The following GPC5 variants were observed in gnomAD, a reference collection of about 807,000 sequenced individuals.
GPC5 encodes the protein glypican-5.
GPC5 carries 47 observed loss-of-function variants against 53.9 expected under a neutral mutation model. That is an observed-to-expected ratio of 0.87 (90% CI 0.69 to 1.11). The LOEUF (loss-of-function observed/expected upper bound fraction) is 1.11, where lower values mean the gene tolerates loss of function less well. GPC5 is among the 50% of genes most tolerant of loss of function. The pLI, the probability that GPC5 is intolerant of heterozygous loss-of-function variation, is 0.00. For synonymous variants in GPC5, 286 were observed against 263.3 expected (o/e 1.09, Z -0.84); for missense variants, 748 against 713.1 (o/e 1.05, Z -0.56).
At chr13:92,086,831 G>T (rs944331113) in intron 6 of GPC5, among the ~76,000 whole-genome samples, 1 of 151,974 alleles carries the variant, frequency 6.6e-6, no homozygotes, top group Non-Finnish European at 1.5e-5. Flanking sequence ...GCTAATTTTT[G>T]TATTTTTAGT....
intron 4 of GPC5, among the ~76,000 whole-genome samples, chr13:91,735,595 A>G (rs999469852): frequency 1.3e-5 from 2 of 151,336 alleles, no homozygotes; most frequent in African/African-American, 2.5e-5. Flanking sequence ...TTGGATTTCA[A>G]TTGGAGTTAT....
intron 7 of GPC5, among the ~76,000 whole-genome samples, chr13:92,731,621 G>C (rs1278987176): frequency 1.3e-5 from 2 of 151,284 alleles, no homozygotes; most frequent in African/African-American, 4.8e-5. Flanking sequence ...CTTTGATATA[G>C]CATAGGAAAA....
At chr13:92,421,356 C>T (rs1876550604) in intron 7 of GPC5, among the ~76,000 whole-genome samples, 1 of 152,102 alleles carries the variant, frequency 6.6e-6, no homozygotes, top group African/African-American at 2.4e-5. Flanking sequence ...CTGTGTTAAT[C>T]TATTCTCACA....
chr13:92,148,421 T>C (rs1220064134), intron 7 of GPC5, among the ~76,000 whole-genome samples: 2 of 152,130 alleles, frequency 1.3e-5, no homozygotes, highest in African/African-American at 4.8e-5. Flanking sequence ...ATCAACTTAT[T>C]TAACCATCTT....
chr13:92,244,171 T>C (rs1376143035), intron 7 of GPC5, among the ~76,000 whole-genome samples: 1 of 152,162 alleles, frequency 6.6e-6, no homozygotes, highest in Non-Finnish European at 1.5e-5. Flanking sequence ...GGCCTTAGTA[T>C]AGGTTTAAAC....
chr13:92,443,618 A>G (rs759306251), intron 7 of GPC5, among the ~76,000 whole-genome samples: 2 of 152,222 alleles, frequency 1.3e-5, no homozygotes, highest in Non-Finnish European at 2.9e-5. Context: ...AATAAAACAC[A>G]TATGTGGTTG....
chr13:91,760,987 G>T lies in GPC5; in HGVS notation c.1280+4567G>T, dbSNP rs117406639. Among the ~76,000 whole-genome samples the T allele has an allele frequency of 7.6e-3, 1,152 of 152,256 alleles. 11 individuals are homozygous for T. Among genetic ancestry groups the T allele is most frequent in the Non-Finnish European group, 0.012 (840 of 68,014 alleles). On this transcript the variant is annotated intron_variant, in intron 5 of 7. Coordinates refer to ENST00000377067, the MANE Select transcript of GPC5 (RefSeq NM_004466.6). ...AATATTATTGAAATCCATGTAGTCT[G>T]TATCTCTTACAGTCTCTTTTATCTC...
chr13:92,570,233 C>T (rs976621917), intron 7 of GPC5, among the ~76,000 whole-genome samples: 4 of 152,000 alleles, frequency 2.6e-5, no homozygotes, highest in Non-Finnish European at 5.9e-5. Context: ...GAGTTAATAT[C>T]GGTGTATTTT....
chr13:92,231,967 A>AAAAAC (rs575235773), intron 7 of GPC5, among the ~76,000 whole-genome samples: 1 of 152,122 alleles, frequency 6.6e-6, no homozygotes, highest in African/African-American at 2.4e-5. Context: ...CTCCATCTCA[A>AAAAAC]AAAACAAAAC....
At chr13:91,571,840 T>A in intron 2 of GPC5, among the ~76,000 whole-genome samples, 1 of 94,652 alleles carries the variant, frequency 1.1e-5, no homozygotes, top group Non-Finnish European at 1.9e-5. Context: ...CACATATACT[T>A]GTGTGTATAT....
intron 6 of GPC5, among the ~76,000 whole-genome samples, chr13:91,949,318 CTCAA>C (rs1229798680): frequency 3.3e-5 from 5 of 152,182 alleles, no homozygotes; most frequent in African/African-American, 9.6e-5. Context: ...TGTATGTACA[CTCAA>C]TCAAACTATG....
At chr13:92,074,121 A>G (rs1190471713) in intron 6 of GPC5, among the ~76,000 whole-genome samples, 2 of 152,150 alleles carry the variant, frequency 1.3e-5, no homozygotes, top group Non-Finnish European at 2.9e-5. Context: ...TCGTGAGTGA[A>G]TACATTGAGG....
intron 7 of GPC5, among the ~76,000 whole-genome samples, chr13:92,531,701 G>A (rs957283257): frequency 7.9e-5 from 12 of 152,084 alleles, no homozygotes; most frequent in African/African-American, 2.9e-4. Context: ...GGATTCCATT[G>A]CCTCTGTTGA....
chr13:91,940,426 G>A (rs1157408852), intron 6 of GPC5, among the ~76,000 whole-genome samples: 1 of 152,032 alleles, frequency 6.6e-6, no homozygotes, highest in East Asian at 1.9e-4. Context: ...TAATGTCTTT[G>A]CTATTGTGAA....
intron 7 of GPC5, among the ~76,000 whole-genome samples, chr13:92,366,571 G>A (rs1233804920): frequency 6.7e-6 from 1 of 148,310 alleles, no homozygotes; most frequent in Non-Finnish European, 1.5e-5. Context: ...ATCTTTTAAG[G>A]GTAATTCAGA....
intron 7 of GPC5, among the ~76,000 whole-genome samples, chr13:92,213,433 A>G (rs2042389164): frequency 6.6e-6 from 1 of 152,156 alleles, no homozygotes; most frequent in Admixed American, 6.5e-5. Flanking sequence ...TTTTCTGTCT[A>G]TGGAACACTT....
chr13:92,090,579 T>G (rs1353819186), intron 6 of GPC5, among the ~76,000 whole-genome samples: 2 of 152,142 alleles, frequency 1.3e-5, no homozygotes, highest in African/African-American at 4.8e-5. Flanking sequence ...TTTCTATTGC[T>G]TAGAATCCAC....
intron 1 of GPC5, among the ~76,000 whole-genome samples, chr13:91,413,335 A>G (rs1323118717): frequency 6.6e-6 from 1 of 151,986 alleles, no homozygotes; most frequent in Non-Finnish European, 1.5e-5. Context: ...TGAAAGGAAA[A>G]AGCAAATATG....
chr13:91,432,605 T>C (rs1310071976), intron 1 of GPC5, among the ~76,000 whole-genome samples: 1 of 152,192 alleles, frequency 6.6e-6, no homozygotes, highest in Non-Finnish European at 1.5e-5. Context: ...AAGTGTTACT[T>C]ATTTTTATTG....
Sources: gnomAD v4.1 joint callset for allele counts (sites outside exome capture counted in the v4.1 genomes callset) on GRCh38, gnomAD v4.1.1 for gene constraint, MANE v1.5 for transcripts, NCBI Gene and HGNC (gene_info 2026-07-23, HGNC 2026-07-21) for gene names.